The following TCF7L1 variants were observed in gnomAD, a reference collection of about 807,000 sequenced individuals.
TCF7L1 encodes transcription factor 7-like 1.
A neutral mutation model predicts 63.7 loss-of-function variants in TCF7L1; 18 were observed. The ratio of observed to expected loss-of-function variants is 0.28; its 90% CI spans 0.20 to 0.42. TCF7L1 has a LOEUF of 0.42. TCF7L1 is among the 10% of genes least tolerant of loss of function. TCF7L1 has a pLI of 1.00. For missense variants in TCF7L1, 654 were observed against 779.3 expected, an observed-to-expected ratio of 0.84 and a Z score of 1.91; for synonymous variants, 355 against 340.9, an observed-to-expected ratio of 1.04 and a Z score of -0.46.
chr2:85,193,754 T>C (rs1021051876), intron 3 of TCF7L1, among the ~76,000 whole-genome samples: 1 of 152,188 alleles, frequency 6.6e-6, no homozygotes, highest in Non-Finnish European at 1.5e-5. Context: ...AAATGTCTTT[T>C]TTGGGAAATA....
rs145039893 is a variant in TCF7L1 at position 85,277,012 on chromosome 2, A to G, written c.442-6483A>G. On this transcript the variant is annotated intron_variant, in intron 3 of 11. Transcript: ENST00000282111. ...TAAAGGCCGTAGCAGGCCGGGGAGC[A>G]GCAGGGCAGCATGGTGCGTTCAGAG... Among the ~76,000 whole-genome samples, 249 of 152,286 alleles carry G rather than the reference A, an allele frequency of 1.6e-3. 1 individual carries two copies. Among genetic ancestry groups the G allele is most frequent in the African/African-American group, 5.8e-3 (240 of 41,564 alleles).
At chr2:85,243,735 T>A (rs1294228766) in intron 3 of TCF7L1, among the ~76,000 whole-genome samples, 1 of 152,024 alleles carries the variant, frequency 6.6e-6, no homozygotes, top group Non-Finnish European at 1.5e-5. Flanking sequence ...GAAACTTCGT[T>A]CAGGAGATAT....
Position 85,233,402 on chromosome 2 carries a change from G to A in TCF7L1, c.442-50093G>A, listed in dbSNP as rs186725043. Among the ~76,000 whole-genome samples, 231 of 149,448 alleles carry A rather than the reference G, an allele frequency of 1.5e-3. 2 individuals carry two copies. The highest frequency in any genetic ancestry group is 2.3e-3 in the Non-Finnish European group (155 of 67,754). On this transcript the variant is annotated intron_variant, in intron 3 of 11. Coordinates refer to ENST00000282111, the MANE Select transcript of TCF7L1 (RefSeq NM_031283.3). ...GTGATTTCGGTTCACTGCAACCTCC[G>A]ATTCTCTGGTTCAAGTGATTCTCCT...
At chr2:85,146,989 G>T (rs2104198322) in intron 3 of TCF7L1, among the ~76,000 whole-genome samples, 1 of 152,108 alleles carries the variant, frequency 6.6e-6, no homozygotes, top group Admixed American at 6.5e-5. Context: ...ATTCCCTTGT[G>T]TTTTTCTTAT....
chr2:85,296,096 T>C (rs1023324791), intron 4 of TCF7L1, among the ~76,000 whole-genome samples: 1 of 152,188 alleles, frequency 6.6e-6, no homozygotes, highest in Non-Finnish European at 1.5e-5. Context: ...TAACTTTTCA[T>C]GTCATTATCT....
chr2:85,215,179 A>T (rs545937524), intron 3 of TCF7L1, among the ~76,000 whole-genome samples: 5 of 152,344 alleles, frequency 3.3e-5, no homozygotes, highest in Admixed American at 1.3e-4. Flanking sequence ...TCTGAAAAAC[A>T]GTTGCCCTCT....
At chr2:85,218,648 G>GA (rs138080387) in intron 3 of TCF7L1, among the ~76,000 whole-genome samples, 20 of 150,554 alleles carry the variant, frequency 1.3e-4, no homozygotes, top group African/African-American at 3.9e-4. Flanking sequence ...ATGGGGGGGG[G>GA]AAAACTGGTG....
intron 3 of TCF7L1, among the ~76,000 whole-genome samples, chr2:85,243,887 G>C (rs939261710): frequency 1.3e-5 from 2 of 152,216 alleles, no homozygotes; most frequent in African/African-American, 4.8e-5. Context: ...CCCCCTGGGG[G>C]TGGGAGATGT....
intron 3 of TCF7L1, among the ~76,000 whole-genome samples, chr2:85,241,513 C>T (rs1278059372): frequency 7.8e-6 from 1 of 127,972 alleles, no homozygotes; most frequent in Non-Finnish European, 1.6e-5. Flanking sequence ...ATGGCACCAT[C>T]TTGGCTCACT....
At chr2:85,165,263 G>A (rs1354152950) in intron 3 of TCF7L1, among the ~76,000 whole-genome samples, 1 of 152,160 alleles carries the variant, frequency 6.6e-6, no homozygotes, top group Non-Finnish European at 1.5e-5. Context: ...TTGGCTCCTT[G>A]AGGCTGCCGT....
chr2:85,295,775 C>CTTTTTTTTTTT (rs56373561), intron 4 of TCF7L1, among the ~76,000 whole-genome samples: 1 of 100,884 alleles, frequency 9.9e-6, no homozygotes, highest in African/African-American at 4.1e-5. Context: ...GTAACATTTA[C>CTTTTTTTTTTT]TTTTTTTTTT....
At chr2:85,242,977 G>T (rs1680372131) in intron 3 of TCF7L1, among the ~76,000 whole-genome samples, 1 of 152,074 alleles carries the variant, frequency 6.6e-6, no homozygotes, top group Admixed American at 6.5e-5. Context: ...AAGTCTTAAA[G>T]ATCTCGACGC....
intron 3 of TCF7L1, chr2:85,233,961 A>G (rs1680139921): frequency 6.6e-6 from 1 of 152,106 alleles, no homozygotes; most frequent in Non-Finnish European, 1.5e-5. Flanking sequence ...TTATTCATTC[A>G]TCTGCTGAAG....
At chr2:85,218,466 G>C (rs919042257) in intron 3 of TCF7L1, among the ~76,000 whole-genome samples, 3 of 152,096 alleles carry the variant, frequency 2.0e-5, no homozygotes, top group African/African-American at 7.2e-5. Flanking sequence ...ATGTTGCCCA[G>C]GTTGGTCTTG....
intron 3 of TCF7L1, among the ~76,000 whole-genome samples, chr2:85,144,978 G>A (rs112745129): frequency 0.042 from 6,333 of 151,478 alleles, 422 homozygotes; most frequent in African/African-American, 0.15. Context: ...CCAGCTACTC[G>A]GGAGGCTGAG....
chr2:85,197,230 G>A (rs1252862172), intron 3 of TCF7L1, among the ~76,000 whole-genome samples: 1 of 152,210 alleles, frequency 6.6e-6, no homozygotes, highest in Non-Finnish European at 1.5e-5. Flanking sequence ...GGCCGACACG[G>A]TGAAACCCAG....
Position 85,146,755 on chromosome 2 carries a change from C to A in TCF7L1, c.441+12305C>A, listed in dbSNP as rs138975150. On this transcript the variant is annotated intron_variant, in intron 3 of 11. Transcript: ENST00000282111. ...CTGACCTCAGGTGATCTGCCTGCGT[C>A]GGCCTCCCAAAGTGCTGGGATCATA... Among the ~76,000 whole-genome samples the A allele has an allele frequency of 2.3e-4, 35 of 152,140 alleles. No individual in the cohort carries two copies. In the East Asian group the frequency reaches 4.3e-3, roughly 19 times the overall value.
chr2:85,203,017 G>A (rs965026600), intron 3 of TCF7L1, among the ~76,000 whole-genome samples: 8 of 151,934 alleles, frequency 5.3e-5, no homozygotes, highest in Admixed American at 3.9e-4. Flanking sequence ...GTATTTTTTT[G>A]GTAGAGACGG....
chr2:85,231,155 AGCCAGGCCTGTTGAG>A (rs1356844522), intron 3 of TCF7L1, among the ~76,000 whole-genome samples: 1 of 152,174 alleles, frequency 6.6e-6, no homozygotes, highest in East Asian at 1.9e-4. Flanking sequence ...GCCCCCAGGA[AGCCAGGCCTGTTGAG>A]GTGGGTCTGT....
Sources: allele counts gnomAD v4.1 joint callset (sites outside exome capture counted in the v4.1 genomes callset), GRCh38; gene constraint gnomAD v4.1.1; transcripts MANE v1.5; gene names NCBI Gene and HGNC (gene_info 2026-07-23, HGNC 2026-07-21).